Variants in SNTB1 observed in about 807,000 individuals in gnomAD.
The protein encoded by SNTB1 is syntrophin beta 1, also known as beta-1-syntrophin.
Under a neutral mutation model 48.9 loss-of-function variants are expected in SNTB1, and 36 were observed. That is an observed-to-expected ratio of 0.74 (90% CI 0.56 to 0.97). The LOEUF is 0.97. SNTB1 is among the 50% of genes least tolerant of loss of function. SNTB1 has a pLI of 0.00. For missense variants in SNTB1, 786 were observed against 703.4 expected (o/e 1.12, Z -1.33); for synonymous variants, 299 against 294.6 (o/e 1.01, Z -0.15).
intron 4 of SNTB1, among the ~76,000 whole-genome samples, chr8:120,567,593 T>C (rs930701879): frequency 2.0e-5 from 3 of 151,950 alleles, no homozygotes; most frequent in African/African-American, 7.3e-5. Flanking sequence ...GCTAATTGTT[T>C]TTTATTTTTT....
chr8:120,737,568 C>G (rs139887832), intron 1 of SNTB1, among the ~76,000 whole-genome samples: 8 of 152,258 alleles, frequency 5.3e-5, no homozygotes, highest in African/African-American at 1.7e-4. Context: ...TCAGAGAGAT[C>G]TAATCACAAG....
chr8:120,718,872 A>T (rs557275000), intron 1 of SNTB1, among the ~76,000 whole-genome samples: 1 of 152,292 alleles, frequency 6.6e-6, no homozygotes, highest in South Asian at 2.1e-4. Context: ...TTCTACACAC[A>T]CACAAAAAGG....
chr8:120,544,530 G>C (rs573599655), intron 5 of SNTB1, among the ~76,000 whole-genome samples: 2 of 152,254 alleles, frequency 1.3e-5, no homozygotes, highest in African/African-American at 4.8e-5. Context: ...TCACTTCACA[G>C]AATTATTTCC....
intron 4 of SNTB1, among the ~76,000 whole-genome samples, chr8:120,563,466 G>T (rs142483993): frequency 2.0e-5 from 3 of 152,224 alleles, no homozygotes; most frequent in Admixed American, 6.5e-5. Flanking sequence ...GGGCACCATT[G>T]AAGTTTGGCA....
intron 1 of SNTB1, among the ~76,000 whole-genome samples, chr8:120,767,448 CA>C (rs1221768917): frequency 6.6e-6 from 1 of 152,108 alleles, no homozygotes; most frequent in African/African-American, 2.4e-5. Context: ...TTCAATAACA[CA>C]AAGAACTTGC....
chr8:120,786,840 G>T (rs1030506500), intron 1 of SNTB1, among the ~76,000 whole-genome samples: 1 of 152,100 alleles, frequency 6.6e-6, no homozygotes, highest in Admixed American at 6.5e-5. Flanking sequence ...CACTGTTAGG[G>T]TAATGTGTTT....
intron 3 of SNTB1, among the ~76,000 whole-genome samples, chr8:120,580,450 A>T (rs1043144643): frequency 2.0e-5 from 3 of 152,110 alleles, no homozygotes; most frequent in Non-Finnish European, 4.4e-5. Context: ...ATGTATATAA[A>T]ACTTCCTACA....
intron 2 of SNTB1, among the ~76,000 whole-genome samples, chr8:120,686,921 C>G (rs1251344294): frequency 6.6e-6 from 1 of 152,056 alleles, no homozygotes; most frequent in Non-Finnish European, 1.5e-5. Context: ...ACGTGCCCAA[C>G]AAAGAATGAA....
chr8:120,646,551 G>C (rs1817300427), intron 2 of SNTB1, among the ~76,000 whole-genome samples: 1 of 151,374 alleles, frequency 6.6e-6, no homozygotes, highest in African/African-American at 2.4e-5. Flanking sequence ...TTGATGTGCT[G>C]CTGGATTCGT....
intron 3 of SNTB1, among the ~76,000 whole-genome samples, chr8:120,590,727 C>T (rs1284453586): frequency 7.0e-6 from 1 of 142,746 alleles, no homozygotes; most frequent in Non-Finnish European, 1.5e-5. Flanking sequence ...GTAGTCTAGG[C>T]TGGAGTGCAG....
intron 3 of SNTB1, among the ~76,000 whole-genome samples, chr8:120,613,986 T>C (rs1362106910): frequency 6.6e-6 from 1 of 152,216 alleles, no homozygotes; most frequent in Non-Finnish European, 1.5e-5. Context: ...TTATTTACCA[T>C]TTATGAGGCA....
intron 5 of SNTB1, among the ~76,000 whole-genome samples, chr8:120,542,549 G>T (rs887168768): frequency 7.2e-5 from 11 of 152,158 alleles, no homozygotes; most frequent in African/African-American, 2.4e-4. Flanking sequence ...AGCTACTCTG[G>T]AGGCTGAGGC....
intron 1 of SNTB1, among the ~76,000 whole-genome samples, chr8:120,732,297 T>G (rs1209229074): frequency 3.3e-5 from 5 of 152,166 alleles, no homozygotes; most frequent in Admixed American, 1.3e-4. Context: ...AGTTTATGAT[T>G]AAAATAAAGT....
chr8:120,760,302 A>G (rs1467020411), intron 1 of SNTB1, among the ~76,000 whole-genome samples: 37 of 151,938 alleles, frequency 2.4e-4, no homozygotes, highest in Non-Finnish European at 5.1e-4. Context: ...CAAGCCAAAA[A>G]AAAAAAAAAA....
chr8:120,707,044 G>A (rs989768562), intron 1 of SNTB1, among the ~76,000 whole-genome samples: 3 of 152,182 alleles, frequency 2.0e-5, no homozygotes, highest in Non-Finnish European at 4.4e-5. Flanking sequence ...ATCAGAGTCT[G>A]GCAGACTAGA....
At chr8:120,750,475 T>G (rs186501239) in intron 1 of SNTB1, among the ~76,000 whole-genome samples, 5 of 152,128 alleles carry the variant, frequency 3.3e-5, no homozygotes, top group African/African-American at 1.2e-4. Flanking sequence ...TTCTTATCAT[T>G]CATCAAAATC....
At chr8:120,748,225 GGTAAA>G (rs1463896950) in intron 1 of SNTB1, among the ~76,000 whole-genome samples, 2 of 152,164 alleles carry the variant, frequency 1.3e-5, no homozygotes, top group South Asian at 4.1e-4. Context: ...TTCTACTCAT[GGTAAA>G]GTCTCCTGTA....
intron 1 of SNTB1, among the ~76,000 whole-genome samples, chr8:120,720,813 A>G (rs1419101647): frequency 6.6e-6 from 1 of 152,168 alleles, no homozygotes; most frequent in Non-Finnish European, 1.5e-5. Context: ...GTGGGAGACT[A>G]GATCATATTT....
intron 1 of SNTB1, among the ~76,000 whole-genome samples, chr8:120,730,922 C>A (rs528323324): frequency 6.6e-6 from 1 of 152,088 alleles, no homozygotes; most frequent in East Asian, 1.9e-4. Context: ...GAGTTTGAGA[C>A]TACCGTGGCC....
Sources: allele counts gnomAD v4.1 joint callset (sites outside exome capture counted in the v4.1 genomes callset), GRCh38; gene constraint gnomAD v4.1.1; transcripts MANE v1.5; gene names NCBI Gene and HGNC (gene_info 2026-07-23, HGNC 2026-07-21).